Variants in RBFOX1 observed in about 807,000 individuals in gnomAD.
The protein encoded by RBFOX1 is RNA binding fox-1 homolog 1.
A neutral mutation model predicts 57.7 loss-of-function variants in RBFOX1; 8 were observed. The observed-to-expected ratio is 0.14, with a 90% CI of 0.08 to 0.25. RBFOX1 has a LOEUF of 0.25. Among genes scored for constraint, RBFOX1 ranks in the 10% least tolerant of loss-of-function variants. RBFOX1 has a pLI of 1.00. For synonymous variants in RBFOX1, 326 were observed against 222.4 expected, an observed-to-expected ratio of 1.47 and a Z score of -4.15; for missense variants, 611 against 548.5, an observed-to-expected ratio of 1.11 and a Z score of -1.14.
At chr16:5,720,474 A>G (rs1021286276) in intron 3 of RBFOX1, among the ~76,000 whole-genome samples, 1 of 152,134 alleles carries the variant, frequency 6.6e-6, no homozygotes, top group African/African-American at 2.4e-5. Flanking sequence ...TTTCTTTAGT[A>G]GTTTGTGCTT....
chr16:5,403,224 C>T (rs1297847411), intron 1 of RBFOX1, among the ~76,000 whole-genome samples: 2 of 151,762 alleles, frequency 1.3e-5, no homozygotes, highest in African/African-American at 4.8e-5. Flanking sequence ...GTGGTGCATG[C>T]TTGTAATCCC....
chr16:6,948,978 T>A (rs1482705485), intron 3 of RBFOX1, among the ~76,000 whole-genome samples: 1 of 152,128 alleles, frequency 6.6e-6, no homozygotes, highest in Non-Finnish European at 1.5e-5. Flanking sequence ...ATGGGATAGT[T>A]TGAGACAGTT....
chr16:7,221,755 A>G (rs1018048319), intron 4 of RBFOX1, among the ~76,000 whole-genome samples: 1 of 152,212 alleles, frequency 6.6e-6, no homozygotes, highest in Admixed American at 6.5e-5. Flanking sequence ...TTCAATGGCC[A>G]TCAAAGTTTG....
At chr16:7,209,581 C>T (rs75553928) in intron 4 of RBFOX1, among the ~76,000 whole-genome samples, 2 of 152,188 alleles carry the variant, frequency 1.3e-5, no homozygotes, top group Non-Finnish European at 2.9e-5. Context: ...CCAACCCTCA[C>T]CTTCTCATCA....
At chr16:5,939,707 A>T (rs2059242145) in intron 4 of RBFOX1, among the ~76,000 whole-genome samples, 1 of 152,214 alleles carries the variant, frequency 6.6e-6, no homozygotes, top group Non-Finnish European at 1.5e-5. Context: ...TTTTTAAAAA[A>T]AAAAGTGTCA....
chr16:5,865,241 C>T (rs530107111), intron 3 of RBFOX1, among the ~76,000 whole-genome samples: 2 of 152,114 alleles, frequency 1.3e-5, no homozygotes, highest in Admixed American at 6.5e-5. Context: ...GAGAAATACA[C>T]ACATTCACGT....
intron 4 of RBFOX1, among the ~76,000 whole-genome samples, chr16:7,305,849 A>T (rs1025394567): frequency 1.3e-5 from 2 of 152,204 alleles, no homozygotes; most frequent in African/African-American, 4.8e-5. Flanking sequence ...GTGCCAGAAG[A>T]CATTTCCCAA....
chr16:6,859,187 A>ATATATATGTATATATATGTATATATATG (rs1567593825), intron 3 of RBFOX1, among the ~76,000 whole-genome samples: 8 of 64,016 alleles, frequency 1.2e-4, no homozygotes, highest in African/African-American at 4.6e-4. Flanking sequence ...ATATATATGT[A>ATATATATGTATATATATGTATATATATG]TATATATATG....
intron 1 of RBFOX1, among the ~76,000 whole-genome samples, chr16:5,389,855 G>A (rs1227690322): frequency 1.3e-5 from 2 of 151,454 alleles, no homozygotes; most frequent in African/African-American, 2.4e-5. Flanking sequence ...CTGCCACCAC[G>A]ACCAGCTAAT....
chr16:7,565,250 TC>T (rs34435099), intron 5 of RBFOX1, among the ~76,000 whole-genome samples: 2 of 151,194 alleles, frequency 1.3e-5, no homozygotes, highest in Non-Finnish European at 3.0e-5. Flanking sequence ...GTGGAGTTGA[TC>T]TGGTATGCAT....
intron 2 of RBFOX1, among the ~76,000 whole-genome samples, chr16:6,340,512 T>C (rs1461648471): frequency 6.6e-6 from 1 of 152,198 alleles, no homozygotes; most frequent in Non-Finnish European, 1.5e-5. Context: ...TATTTCTTGA[T>C]GATATGCTAA....
intron 3 of RBFOX1, among the ~76,000 whole-genome samples, chr16:7,049,558 G>A (rs1301795238): frequency 6.6e-6 from 1 of 152,144 alleles, no homozygotes; most frequent in Non-Finnish European, 1.5e-5. Context: ...TGCTTCTCCT[G>A]AGTCTTTATA....
chr16:5,952,840 G>A lies in RBFOX1; in HGVS notation c.351+85505G>A, dbSNP rs372022228. On this transcript the variant is annotated intron_variant, in intron 4 of 19. Transcript: ENST00000641259. ...ACTGACCTGATGACCAGAGTAACCC[G>A]AGACTTGGTAAAAATCCAGGGTTAT... is the stretch of plus-strand genomic sequence containing the variant. 2.0e-5 allele frequency among the ~76,000 whole-genome samples: 3 copies of A among 152,250 alleles called. No homozygotes were observed. In the East Asian group the frequency reaches 5.8e-4, roughly 29 times the overall value.
At chr16:6,863,736 T>TATTA (rs1567614464) in intron 3 of RBFOX1, among the ~76,000 whole-genome samples, 1 of 81,408 alleles carries the variant, frequency 1.2e-5, no homozygotes, top group Non-Finnish European at 2.9e-5. Context: ...TTTTTTTTTT[T>TATTA]TTTTTTTTTT....
intron 2 of RBFOX1, among the ~76,000 whole-genome samples, chr16:5,552,629 A>G (rs1450671074): frequency 6.6e-6 from 1 of 152,158 alleles, no homozygotes; most frequent in East Asian, 1.9e-4. Flanking sequence ...GTAAGTGTAG[A>G]GAAGTTGGCC....
intron 4 of RBFOX1, among the ~76,000 whole-genome samples, chr16:6,009,802 A>ATGTGTGTGTGTGTGTC (rs753032432): frequency 5.1e-5 from 3 of 58,562 alleles, no homozygotes; most frequent in African/African-American, 2.6e-4. Flanking sequence ...CAGTGTGTGT[A>ATGTGTGTGTGTGTGTC]TGTGTGTGTG....
At chr16:6,074,538 C>G (rs1567391696) in intron 1 of RBFOX1, among the ~76,000 whole-genome samples, 1 of 152,124 alleles carries the variant, frequency 6.6e-6, no homozygotes, top group Non-Finnish European at 1.5e-5. Flanking sequence ...TTGTTAAAGA[C>G]AGAATGAAAG....
intron 1 of RBFOX1, among the ~76,000 whole-genome samples, chr16:6,093,640 G>T (rs945578134): frequency 1.3e-5 from 2 of 151,982 alleles, no homozygotes; most frequent in African/African-American, 4.8e-5. Context: ...TTCTTTTCTT[G>T]CAGCACAGTC....
At chr16:5,332,012 A>G (rs943241972) in intron 1 of RBFOX1, among the ~76,000 whole-genome samples, 2 of 152,228 alleles carry the variant, frequency 1.3e-5, no homozygotes, top group African/African-American at 2.4e-5. Flanking sequence ...TGATTGTAAA[A>G]TAAAGCCTAA....
Sources: gnomAD v4.1 joint callset for allele counts (sites outside exome capture counted in the v4.1 genomes callset) on GRCh38, gnomAD v4.1.1 for gene constraint, MANE v1.5 for transcripts, NCBI Gene and HGNC (gene_info 2026-07-23, HGNC 2026-07-21) for gene names.